Variants in TENM2 observed in about 807,000 individuals in gnomAD.
TENM2 encodes teneurin-2.
TENM2 carries 52 observed loss-of-function variants against 245.2 expected under a neutral mutation model. The ratio of observed to expected loss-of-function variants is 0.21; its 90% CI spans 0.17 to 0.27. TENM2 has a LOEUF of 0.27. Among genes scored for constraint, TENM2 ranks in the 10% least tolerant of loss-of-function variants. The pLI is 1.00. For synonymous variants in TENM2, 1,363 were observed against 1,438.9 expected (o/e 0.95, Z 1.19); for missense variants, 3,046 against 3,666.8 (o/e 0.83, Z 4.37).
the TENM2 span, among the ~76,000 whole-genome samples, chr5:167,263,151 G>A: frequency 1.4e-5 from 2 of 148,014 alleles, no homozygotes; most frequent in East Asian, 2.1e-4. Flanking sequence ...GCAACTTCCC[G>A]GTAGCATTTT....
chr5:167,271,722 G>A, the TENM2 span, among the ~76,000 whole-genome samples: 1 of 152,098 alleles, frequency 6.6e-6, no homozygotes, highest in Non-Finnish European at 1.5e-5. Flanking sequence ...TGGCTCCAGG[G>A]ACCTTAACAG....
intron 2 of TENM2, among the ~76,000 whole-genome samples, chr5:167,512,099 C>T (rs936739364): frequency 3.3e-5 from 5 of 152,136 alleles, no homozygotes; most frequent in African/African-American, 4.8e-5. Flanking sequence ...GATTTGAAAG[C>T]AGTTGAATAT....
chr5:167,479,333 A>G (rs1288437485), intron 2 of TENM2, among the ~76,000 whole-genome samples: 4 of 152,184 alleles, frequency 2.6e-5, no homozygotes, highest in African/African-American at 7.2e-5. Flanking sequence ...TCTGAAGCCA[A>G]TTATATAAAA....
At chr5:167,923,507 G>A (rs1269730488) in intron 3 of TENM2, among the ~76,000 whole-genome samples, 2 of 152,090 alleles carry the variant, frequency 1.3e-5, no homozygotes, top group Non-Finnish European at 2.9e-5. Flanking sequence ...AACCTCCGCC[G>A]CTGAGGTAGA....
the TENM2 span, among the ~76,000 whole-genome samples, chr5:166,981,876 G>C: frequency 6.6e-6 from 1 of 152,092 alleles, no homozygotes. Flanking sequence ...TTTTGGGTGT[G>C]ATACCAGGTT....
intron 15 of TENM2, among the ~76,000 whole-genome samples, chr5:168,195,545 A>G (rs1761335331): frequency 7.6e-6 from 1 of 132,338 alleles, no homozygotes; most frequent in Non-Finnish European, 1.6e-5. Flanking sequence ...ATGTCAGGTC[A>G]ATGCACGTGT....
intron 3 of TENM2, among the ~76,000 whole-genome samples, chr5:167,887,256 A>T (rs1421980): frequency 0.25 from 37,963 of 152,224 alleles, 6,061 homozygotes; most frequent in East Asian, 0.74. Flanking sequence ...CACTTGTGTC[A>T]ACATTAAATT....
chr5:167,930,743 A>G (rs994649791), intron 3 of TENM2, among the ~76,000 whole-genome samples: 21 of 151,512 alleles, frequency 1.4e-4, no homozygotes, highest in Non-Finnish European at 1.9e-4. Context: ...AGAGTGAATC[A>G]TTTCTAAAGA....
At chr5:167,617,321 C>T (rs1357157037) in intron 2 of TENM2, among the ~76,000 whole-genome samples, 2 of 152,110 alleles carry the variant, frequency 1.3e-5, no homozygotes, top group African/African-American at 2.4e-5. Context: ...AATAGTGTTA[C>T]ACCAGTGACA....
chr5:167,277,647 A>T, the TENM2 span, among the ~76,000 whole-genome samples: 1 of 151,856 alleles, frequency 6.6e-6, no homozygotes, highest in Non-Finnish European at 1.5e-5. Context: ...TGTTGTTGGG[A>T]TCTTCTATAT....
At chr5:167,914,958 T>C (rs893032973) in intron 3 of TENM2, among the ~76,000 whole-genome samples, 3 of 152,208 alleles carry the variant, frequency 2.0e-5, no homozygotes, top group Non-Finnish European at 4.4e-5. Context: ...AATAACCTTA[T>C]TTCCAAAAAA....
intron 7 of TENM2, among the ~76,000 whole-genome samples, chr5:168,072,692 T>A (rs1303514608): frequency 1.3e-5 from 2 of 152,132 alleles, no homozygotes; most frequent in African/African-American, 4.8e-5. Context: ...GTCTCTAGAT[T>A]TAGTTTCAAC....
In TENM2 at chr5:167,406,203, G is replaced by C. The variant is rs571974307; in HGVS notation, c.502+30730G>C. ...TAAAGGTACTTGTAAAGTTTGCTTA[G>C]AGTTTGCAGTAATCCACCTTGTCAG... On this transcript the variant is annotated intron_variant, in intron 2 of 28. Transcript: ENST00000518659. Among the ~76,000 whole-genome samples the C allele has an allele frequency of 9.2e-5, 14 of 152,230 alleles. 1 individual carries two copies. The highest frequency in any genetic ancestry group is 3.1e-4 in the African/African-American group (13 of 41,562).
chr5:167,865,336 C>G lies in TENM2; in HGVS notation c.503-10650C>G, dbSNP rs1229596476. ...CTCTGCAGTCCAGGCCAGAGTGGCA[C>G]ATTCAGGGCTCACTGCAGCCTCGAC... On this transcript the variant is annotated intron_variant, in intron 2 of 28. Transcript: ENST00000518659. Among the ~76,000 whole-genome samples, 4 of 152,040 alleles carry G rather than the reference C, an allele frequency of 2.6e-5. No individual in the cohort carries two copies. In the East Asian group the frequency reaches 7.7e-4, roughly 29 times the overall value.
chr5:167,755,119 C>G (rs972597483), intron 2 of TENM2: 2 of 1,599,140 alleles, frequency 1.3e-6, no homozygotes, highest in Non-Finnish European at 1.7e-6. Context: ...CAGATCATCT[C>G]TTATGGAGAC....
intron 3 of TENM2, among the ~76,000 whole-genome samples, chr5:167,946,924 G>A (rs1348680164): frequency 6.6e-6 from 1 of 152,176 alleles, no homozygotes; most frequent in East Asian, 1.9e-4. Context: ...TTATTGTTTT[G>A]TTATCATCAG....
chr5:167,662,019 T>G lies in TENM2; in HGVS notation c.503-213967T>G, dbSNP rs150273616. Among the ~76,000 whole-genome samples the G allele has an allele frequency of 4.7e-4, 72 of 152,348 alleles. 1 individual carries two copies. The highest frequency in any genetic ancestry group is 1.7e-3 in the African/African-American group (71 of 41,588). On this transcript the variant is annotated intron_variant, in intron 2 of 28. Transcript: ENST00000518659. ...ATAGAAGGGCCTGATTGGCCAGGTTTGGAAGATGTTTCTATCTATGGAGTA... is the reference window on the plus strand; with the variant it reads ...ATAGAAGGGCCTGATTGGCCAGGTTGGGAAGATGTTTCTATCTATGGAGTA...
the TENM2 span, among the ~76,000 whole-genome samples, chr5:167,058,061 CTT>C: frequency 6.6e-6 from 1 of 152,220 alleles, no homozygotes; most frequent in Non-Finnish European, 1.5e-5. Context: ...ACCTACAAGT[CTT>C]TTAAATTCAG....
At chr5:167,529,896 GA>G (rs1331032526) in intron 2 of TENM2, among the ~76,000 whole-genome samples, 1 of 152,178 alleles carries the variant, frequency 6.6e-6, no homozygotes, top group African/African-American at 2.4e-5. Flanking sequence ...GTGGAATAGA[GA>G]AGAAAGGAAT....
Sources: allele counts gnomAD v4.1 joint callset (sites outside exome capture counted in the v4.1 genomes callset), GRCh38; gene constraint gnomAD v4.1.1; transcripts MANE v1.5; gene names NCBI Gene and HGNC (gene_info 2026-07-23, HGNC 2026-07-21).